Variants in SLC39A10 observed in about 807,000 individuals in gnomAD.
The protein encoded by SLC39A10 is zinc transporter ZIP10.
Under a neutral mutation model 65.1 loss-of-function variants are expected in SLC39A10, and 13 were observed. The ratio of observed to expected loss-of-function variants is 0.20; its 90% confidence interval spans 0.13 to 0.32. The LOEUF is 0.32. SLC39A10 is among the 10% of genes least tolerant of loss of function. The pLI is 1.00. For missense variants in SLC39A10, 831 were observed against 1,018.4 expected, an observed-to-expected ratio of 0.82 and a Z score of 2.50; for synonymous variants, 321 against 342.2, an observed-to-expected ratio of 0.94 and a Z score of 0.68.
chr2:195,727,217 G>A (rs1482847823), intron 8 of SLC39A10, among the ~76,000 whole-genome samples: 1 of 152,088 alleles, frequency 6.6e-6, no homozygotes, highest in Non-Finnish European at 1.5e-5. Context: ...CGGGAGGAGA[G>A]TCCATTGAGG....
intron 2 of SLC39A10, among the ~76,000 whole-genome samples, chr2:195,617,848 T>A (rs2105683206): frequency 6.6e-6 from 1 of 151,318 alleles, no homozygotes; most frequent in South Asian, 2.1e-4. Context: ...CACGCCATTC[T>A]CCTGCCTCAG....
At chr2:195,658,906 G>A (rs912039958) in intron 1 of SLC39A10, among the ~76,000 whole-genome samples, 3 of 152,166 alleles carry the variant, frequency 2.0e-5, no homozygotes, top group Admixed American at 2.0e-4. Context: ...CAGAATGATG[G>A]TTTTAAATGT....
At chr2:195,629,826 G>A (rs1427996100) in intron 2 of SLC39A10, among the ~76,000 whole-genome samples, 1 of 152,134 alleles carries the variant, frequency 6.6e-6, no homozygotes, top group Non-Finnish European at 1.5e-5. Context: ...GAACTCCTGG[G>A]ATCAAGCAAT....
intron 3 of SLC39A10, among the ~76,000 whole-genome samples, chr2:195,684,687 A>G (rs1690457829): frequency 6.6e-6 from 1 of 151,762 alleles, no homozygotes; most frequent in Non-Finnish European, 1.5e-5. Flanking sequence ...TCTCTTCAGT[A>G]TCTTCTAACT....
chr2:195,683,637 T>C, intron 2 of SLC39A10, 62 bp from the exon 3 acceptor site: 1 of 1,275,548 alleles, frequency 7.8e-7, no homozygotes, highest in East Asian at 2.3e-5. Flanking sequence ...CAGTAATTTA[T>C]TTTTTTGCAT....
Position 195,657,269 on chromosome 2 carries a change from A to T in SLC39A10, c.-24A>T. On this transcript the variant is annotated 5_prime_UTR_variant, in exon 1 of 10. Coordinates refer to ENST00000359634, the MANE Select transcript of SLC39A10 (RefSeq NM_020342.3). Reference sequence around the variant, plus strand: ...CGAGCGGAGAGGAGATGCACACGGCACTCGAGTGTGAGGTAACTATAAAAC... The same window carrying T: ...CGAGCGGAGAGGAGATGCACACGGCTCTCGAGTGTGAGGTAACTATAAAAC... The T allele has an allele frequency of 2.3e-6, 1 of 428,120 alleles. No homozygotes were observed. Among genetic ancestry groups the T allele is most frequent in the Non-Finnish European group, 3.1e-6 (1 of 320,484 alleles). The allele number at this position is 428,120 out of a possible 1,614,324, so 26.5% of individuals were successfully genotyped here. A position where few individuals can be genotyped will look rare whatever the true frequency, so the allele number is the denominator to read the frequency against.
intron 1 of SLC39A10, among the ~76,000 whole-genome samples, chr2:195,662,271 T>TC (rs1049142648): frequency 2.7e-5 from 4 of 149,584 alleles, no homozygotes; most frequent in African/African-American, 1.0e-4. Context: ...ACTGTGGTGT[T>TC]CCCTTTTTTT....
chr2:195,650,234 A>T (rs1489569011), intron 2 of SLC39A10, among the ~76,000 whole-genome samples: 1 of 149,970 alleles, frequency 6.7e-6, no homozygotes, highest in Non-Finnish European at 1.5e-5. Context: ...GTGAGCCGAG[A>T]TCCCACCACT....
intron 3 of SLC39A10, among the ~76,000 whole-genome samples, chr2:195,698,780 G>A (rs774246821): frequency 8.6e-5 from 13 of 151,582 alleles, no homozygotes; most frequent in Non-Finnish European, 1.8e-4. Context: ...GTCATTTCTT[G>A]TAGTGTCTTT....
chr2:195,634,472 C>T (rs905095198), intron 2 of SLC39A10, among the ~76,000 whole-genome samples: 1 of 152,066 alleles, frequency 6.6e-6, no homozygotes, highest in Non-Finnish European at 1.5e-5. Context: ...CTTGATGTGC[C>T]TCCTTCCAGC....
chr2:195,731,423 G>A (rs1482718342), intron 9 of SLC39A10, among the ~76,000 whole-genome samples: 1 of 151,964 alleles, frequency 6.6e-6, no homozygotes, highest in Non-Finnish European at 1.5e-5. Flanking sequence ...TCCTTTGTAC[G>A]TGTATCTCAA....
At chr2:195,689,139 G>A (rs1690631316) in intron 3 of SLC39A10, among the ~76,000 whole-genome samples, 1 of 152,222 alleles carries the variant, frequency 6.6e-6, no homozygotes, top group Non-Finnish European at 1.5e-5. Flanking sequence ...GCTAGGAGCA[G>A]TGGCTCACAC....
chr2:195,654,005 C>T (rs1689095167), upstream of SLC39A10, among the ~76,000 whole-genome samples: 1 of 152,146 alleles, frequency 6.6e-6, no homozygotes, highest in South Asian at 2.1e-4. Context: ...ATGGCATGAT[C>T]TCGGCTCACC....
chr2:195,640,066 C>G (rs1459741168), intron 2 of SLC39A10, among the ~76,000 whole-genome samples: 1 of 152,114 alleles, frequency 6.6e-6, no homozygotes, highest in Non-Finnish European at 1.5e-5. Context: ...CTTTTGGGAG[C>G]TGTTTCAATT....
chr2:195,732,978 T>C (rs1363485870), intron 9 of SLC39A10, among the ~76,000 whole-genome samples: 1 of 152,234 alleles, frequency 6.6e-6, no homozygotes, highest in Non-Finnish European at 1.5e-5. Flanking sequence ...TACTAGCTAT[T>C]ATATACCATT....
At chr2:195,686,909 A>T (rs1690546856) in intron 3 of SLC39A10, among the ~76,000 whole-genome samples, 1 of 152,180 alleles carries the variant, frequency 6.6e-6, no homozygotes. Context: ...AGTTTTATAG[A>T]ATTATTTTTA....
intron 1 of SLC39A10, 95 bp from the exon 2 acceptor site, chr2:195,679,936 CT>C (rs1317828554): frequency 3.8e-6 from 4 of 1,058,802 alleles, no homozygotes; most frequent in Non-Finnish European, 5.2e-6. Flanking sequence ...TGGAGTAAAA[CT>C]TTTTTTAGTG....
intron 2 of SLC39A10, 26 bp from the exon 3 acceptor site, chr2:195,683,668 TATTTA>T (rs760347056): frequency 5.2e-6 from 8 of 1,551,784 alleles, no homozygotes; most frequent in African/African-American, 1.4e-5. Context: ...AAGACACTCT[TATTTA>T]ATTTGTTTTA....
In SLC39A10 at chr2:195,681,318, A is replaced by T. The variant is rs979068197; in HGVS notation, c.1008+268A>T. Reference sequence around the variant, plus strand: ...GAGGCGGGTAGATCATGAGGTCGGGAGATTGAGACCATCCTGGCTAACATG... The same window carrying T: ...GAGGCGGGTAGATCATGAGGTCGGGTGATTGAGACCATCCTGGCTAACATG... On this transcript the variant is annotated intron_variant, in intron 2 of 9. Coordinates refer to ENST00000359634, the MANE Select transcript of SLC39A10 (RefSeq NM_020342.3). Among the ~76,000 whole-genome samples, 6 of 152,236 alleles carry T rather than the reference A, an allele frequency of 3.9e-5. 1 individual carries two copies. The East Asian group carries it at 5.8e-4, about 15-fold the overall frequency.
Sources: allele counts gnomAD v4.1 joint callset (sites outside exome capture counted in the v4.1 genomes callset), GRCh38; gene constraint gnomAD v4.1.1; transcripts MANE v1.5; gene names NCBI Gene and HGNC (gene_info 2026-07-23, HGNC 2026-07-21).